The following GTF2E1 variants were observed in gnomAD, a reference collection of about 807,000 sequenced individuals.
The protein encoded by GTF2E1 is general transcription factor IIE subunit 1.
GTF2E1 carries 14 observed loss-of-function variants against 34.9 expected under a neutral mutation model. The observed-to-expected ratio is 0.40, with a 90% CI of 0.27 to 0.63. GTF2E1 has a LOEUF of 0.63. GTF2E1 is among the 20% of genes least tolerant of loss of function. The pLI is 0.39. For missense variants in GTF2E1, 469 were observed against 557.7 expected (o/e 0.84, Z 1.60); for synonymous variants, 188 against 192.9 (o/e 0.97, Z 0.21).
chr3:120,752,621 C>G (rs1430823244), intron 2 of GTF2E1, among the ~76,000 whole-genome samples: 1 of 152,154 alleles, frequency 6.6e-6, no homozygotes, highest in Non-Finnish European at 1.5e-5. Flanking sequence ...CACCTGGATT[C>G]TGAATGAAAC....
intron 2 of GTF2E1, among the ~76,000 whole-genome samples, chr3:120,758,361 A>G (rs954051555): frequency 2.0e-5 from 3 of 152,042 alleles, no homozygotes; most frequent in Non-Finnish European, 2.9e-5. Context: ...CCCTAACACC[A>G]TCCTCCAGAA....
At chr3:120,781,000 A>G in intron 4 of GTF2E1, 43 bp from the exon 5 acceptor site, 1 of 1,316,316 alleles carries the variant, frequency 7.6e-7, no homozygotes, top group Non-Finnish European at 1.1e-6. Context: ...AAGAAATGCC[A>G]TTTATATTTA....
intron 4 of GTF2E1, among the ~76,000 whole-genome samples, chr3:120,779,669 C>T (rs75941200): frequency 0.042 from 6,416 of 152,264 alleles, 353 homozygotes; most frequent in African/African-American, 0.13. Context: ...TGAGTCTTCT[C>T]TTGATGACGA....
chr3:120,751,100 T>A, intron 2 of GTF2E1, 100 bp downstream of exon 2: 1 of 707,876 alleles, frequency 1.4e-6, no homozygotes, highest in Non-Finnish European at 2.3e-6. Context: ...TATATTATTA[T>A]AAAAGTGAAT....
chr3:120,760,424 T>C (rs1709250201), intron 2 of GTF2E1, among the ~76,000 whole-genome samples: 1 of 152,236 alleles, frequency 6.6e-6, no homozygotes, highest in South Asian at 2.1e-4. Context: ...CTTTATTTCT[T>C]TCTCTTGCCT....
rs558138932 is a variant in GTF2E1 at position 120,770,797 on chromosome 3, C to T, written c.518C>T (p.Ala173Val). 86 of 1,613,404 alleles carry T rather than the reference C, an allele frequency of 5.3e-5. 2 individuals carry two copies. In the South Asian group the frequency reaches 9.0e-4, roughly 17 times the overall value. The change falls in exon 3 of 5, where the codon GCA (alanine) becomes GTA (valine). Residue 173 changes from alanine to valine, a missense_variant. Transcript: ENST00000283875. ...EDESAMPKKD[A>V]RTLLARFNEQ... is the part of the protein sequence containing the mutation. Reference sequence around the variant, plus strand: ...GAATCAGCAATGCCCAAAAAAGATGCACGCACACTTTTGGCAAGGTTTAAT... The same window carrying T: ...GAATCAGCAATGCCCAAAAAAGATGTACGCACACTTTTGGCAAGGTTTAAT...
intron 2 of GTF2E1, among the ~76,000 whole-genome samples, chr3:120,766,751 A>G (rs1027865389): frequency 6.6e-6 from 1 of 152,018 alleles, no homozygotes; most frequent in Non-Finnish European, 1.5e-5. Context: ...ATCTCCAGAC[A>G]TCTTTCTTCC....
chr3:120,756,045 C>T (rs1270605283), intron 2 of GTF2E1, among the ~76,000 whole-genome samples: 2 of 152,208 alleles, frequency 1.3e-5, no homozygotes, highest in African/African-American at 4.8e-5. Context: ...CAAATCTTAG[C>T]TATTGTGAAC....
rs977618287 is a variant in GTF2E1, at chr3:120,773,849, G to C, written c.651-2574G>C. On this transcript the variant is annotated intron_variant, in intron 3 of 4. Coordinates refer to ENST00000283875, the MANE Select transcript of GTF2E1 (RefSeq NM_005513.3). ...GTCAAATGTCTGCTGCCTCAAACTA[G>C]AATAAAACCCATCTTGAATTTCTAT... Among the ~76,000 whole-genome samples the C allele has an allele frequency of 4.6e-5, 7 of 152,040 alleles. 1 individual carries two copies. Among genetic ancestry groups the C allele is most frequent in the Admixed American group, 4.6e-4 (7 of 15,254 alleles).
intron 2 of GTF2E1, among the ~76,000 whole-genome samples, chr3:120,760,226 C>G (rs902942332): frequency 9.2e-5 from 14 of 152,062 alleles, no homozygotes; most frequent in Admixed American, 2.0e-4. Context: ...TGATTTGACT[C>G]TCTGTTTATT....
chr3:120,767,555 G>A (rs561828087), intron 2 of GTF2E1, among the ~76,000 whole-genome samples: 5 of 152,204 alleles, frequency 3.3e-5, no homozygotes, highest in East Asian at 1.9e-4. Context: ...TGGAAATTGG[G>A]GCATGGGGAA....
intron 4 of GTF2E1, among the ~76,000 whole-genome samples, chr3:120,780,072 A>T (rs1709434145): frequency 6.6e-6 from 1 of 152,226 alleles, no homozygotes; most frequent in South Asian, 2.1e-4. Flanking sequence ...TTTTTTATAA[A>T]GAGTTTTAAG....
chr3:120,762,841 A>G (rs1201930144), intron 2 of GTF2E1, among the ~76,000 whole-genome samples: 1 of 152,160 alleles, frequency 6.6e-6, no homozygotes, highest in Non-Finnish European at 1.5e-5. Context: ...GGCTTCTCTC[A>G]ACTCTAGTTT....
chr3:120,742,869 G>A (rs551822203), intron 1 of GTF2E1, 75 bp downstream of exon 1: 45 of 328,120 alleles, frequency 1.4e-4, no homozygotes, highest in South Asian at 9.0e-4. Context: ...TCTTCCTTTC[G>A]CTCCCTCTTA....
chr3:120,770,630 A>G, intron 2 of GTF2E1, 98 bp from the exon 3 acceptor site: 1 of 827,216 alleles, frequency 1.2e-6, no homozygotes. Flanking sequence ...CTTTGTGTAT[A>G]TTTGAAAGTT....
At chr3:120,747,055 G>C (rs554081349) in intron 1 of GTF2E1, among the ~76,000 whole-genome samples, 2 of 151,936 alleles carry the variant, frequency 1.3e-5, no homozygotes, top group East Asian at 3.9e-4. Flanking sequence ...CCAAAACACA[G>C]GCTGTGTACT....
Position 120,756,434 on chromosome 3 carries a change from A to C in GTF2E1, c.448+5434A>C, listed in dbSNP as rs529609580. Among the ~76,000 whole-genome samples the C allele has an allele frequency of 6.8e-4, 101 of 148,910 alleles. 2 individuals carry two copies. Among genetic ancestry groups the C allele is most frequent in the Non-Finnish European group, 1.2e-3 (80 of 67,334 alleles). On this transcript the variant is annotated intron_variant, in intron 2 of 4. Transcript: ENST00000283875. ...CATGGGTTAGACAATTATGCCACAG[A>C]ACTCAAAGGTATGGATTGGGGAGTG...
At chr3:120,746,059 A>G (rs191646654) in intron 1 of GTF2E1, among the ~76,000 whole-genome samples, 55 of 152,204 alleles carry the variant, frequency 3.6e-4, no homozygotes, top group Middle Eastern at 3.4e-3. Flanking sequence ...GAAGGGCCTT[A>G]TATTTTCCCC....
At chr3:120,759,489 T>C (rs910942023) in intron 2 of GTF2E1, among the ~76,000 whole-genome samples, 2 of 152,198 alleles carry the variant, frequency 1.3e-5, no homozygotes, top group Non-Finnish European at 2.9e-5. Flanking sequence ...TTACTTTTGG[T>C]GTTTTAGTCA....
Sources: allele counts gnomAD v4.1 joint callset (sites outside exome capture counted in the v4.1 genomes callset), GRCh38; gene constraint gnomAD v4.1.1; transcripts MANE v1.5; gene names NCBI Gene and HGNC (gene_info 2026-07-23, HGNC 2026-07-21).